The following SCAF8 variants were observed in gnomAD, a reference collection of about 807,000 sequenced individuals.
The protein encoded by SCAF8 is SR-related and CTD-associated factor 8.
A neutral mutation model predicts 140.5 loss-of-function variants in SCAF8; 23 were observed. The observed-to-expected ratio is 0.16, with a 90% confidence interval of 0.12 to 0.23. The LOEUF is 0.23. Ranked by LOEUF, SCAF8 falls within the 10% of genes least tolerant of loss-of-function variation. SCAF8 has a pLI of 1.00. For missense variants in SCAF8, 1,397 were observed against 1,555.7 expected (o/e 0.90, Z 1.72); for synonymous variants, 575 against 528.9 (o/e 1.09, Z -1.20).
At chr6:154,744,684 G>T (rs545475064) in intron 1 of SCAF8, among the ~76,000 whole-genome samples, 315 of 152,150 alleles carry the variant, frequency 2.1e-3, no homozygotes, top group Non-Finnish European at 3.4e-3. Context: ...TTTTTCATAG[G>T]TTTTTTTGGT....
At position 154,829,680 on chromosome 6, in the gene SCAF8, G is replaced by T. The variant is rs545426695; in HGVS notation, c.2141-1242G>T. On this transcript the variant is annotated intron_variant, in intron 18 of 19. Transcript: ENST00000367178. ...TCAGTACTTTGGGAGGCTGAGGTGG[G>T]TGGATCACTCGAGGTCAGGAGTTTC... 3.9e-5 allele frequency among the ~76,000 whole-genome samples: 6 copies of T among 152,314 alleles called. No homozygotes were observed. The East Asian group carries it at 1.2e-3, about 29-fold the overall frequency.
intron 1 of SCAF8, 131 bp downstream of exon 1, chr6:154,734,061 C>T: frequency 1.4e-5 from 19 of 1,321,820 alleles, no homozygotes; most frequent in Admixed American, 3.8e-5. Flanking sequence ...CTAGCAGTGC[C>T]CGTGGGGGAG....
At position 154,784,897 on chromosome 6, in the gene SCAF8, A is replaced by G. The variant is rs189978444; in HGVS notation, c.160-2964A>G. Among the ~76,000 whole-genome samples the G allele has an allele frequency of 3.1e-3, 474 of 152,310 alleles. 4 individuals carry two copies. The highest frequency in any genetic ancestry group is 0.011 in the African/African-American group (437 of 41,572). Reference sequence around the variant, plus strand: ...CCAAATTTTTATAAAGAGAAGACCTATGTAGCTCCCACTCATTTCAAGAAG... The same window carrying G: ...CCAAATTTTTATAAAGAGAAGACCTGTGTAGCTCCCACTCATTTCAAGAAG... On this transcript the variant is annotated intron_variant, in intron 3 of 19. Transcript: ENST00000367178.
intron 1 of SCAF8, among the ~76,000 whole-genome samples, chr6:154,772,139 A>C (rs1776786889): frequency 1.3e-5 from 2 of 152,112 alleles, no homozygotes; most frequent in Non-Finnish European, 2.9e-5. Flanking sequence ...AAAGCTATGC[A>C]AGATTCCCTA....
chr6:154,760,608 C>T (rs1776355545), intron 1 of SCAF8, among the ~76,000 whole-genome samples: 2 of 152,082 alleles, frequency 1.3e-5, no homozygotes, highest in Non-Finnish European at 2.9e-5. Context: ...TATTGTCTGT[C>T]TCTAAAAGCA....
At chr6:154,763,696 G>A (rs1014584162) in intron 1 of SCAF8, among the ~76,000 whole-genome samples, 3 of 151,884 alleles carry the variant, frequency 2.0e-5, no homozygotes, top group Non-Finnish European at 2.9e-5. Context: ...TAGAGGAGGG[G>A]AGGACATAAA....
chr6:154,793,456 T>A (rs1000839075), intron 5 of SCAF8, among the ~76,000 whole-genome samples: 3 of 151,636 alleles, frequency 2.0e-5, no homozygotes, highest in African/African-American at 7.3e-5. Flanking sequence ...TATGAAAAAA[T>A]TTTTTTCATA....
At chr6:154,745,599 T>C (rs923026191) in intron 1 of SCAF8, among the ~76,000 whole-genome samples, 1 of 152,112 alleles carries the variant, frequency 6.6e-6, no homozygotes, top group Non-Finnish European at 1.5e-5. Context: ...GGGGTGTTAA[T>C]TTTTATCTGC....
intron 1 of SCAF8, among the ~76,000 whole-genome samples, chr6:154,747,699 T>A (rs558586409): frequency 6.6e-6 from 1 of 152,222 alleles, no homozygotes; most frequent in East Asian, 1.9e-4. Flanking sequence ...CATAAAGGCC[T>A]TATAGTGCTT....
intron 1 of SCAF8, among the ~76,000 whole-genome samples, chr6:154,773,519 G>A (rs1347759868): frequency 6.6e-6 from 1 of 152,172 alleles, no homozygotes; most frequent in Non-Finnish European, 1.5e-5. Flanking sequence ...ATGACCACGT[G>A]TACAGGTTAT....
At position 154,832,548 on chromosome 6, in the gene SCAF8, G is replaced by C; in HGVS notation, c.2969G>C (p.Ser990Thr). 6.2e-7 allele frequency: 1 copy of C among 1,614,110 alleles called. No individual in the cohort carries two copies. The highest frequency in any genetic ancestry group is 8.5e-7 in the Non-Finnish European group (1 of 1,180,016). ...CCTTTTTTAGCTCCTGGAAGACAAA[G>C]CGTAGACAATGTTACTAACCCAGAA... ...ERPFLAPGRQ[S>T]VDNVTNPEKR... Residue 990 changes from serine (S) to threonine (T), a missense_variant, in exon 20 of 20, where the codon AGC becomes ACC. Physicochemically the swap from Ser to Thr is moderately conservative, Grantham distance 58. Around this residue, in one of 5 missense-constraint regions of SCAF8, gnomAD observed 930 missense variants for 874.6 expected, o/e 1.06. Coordinates refer to ENST00000367178, the MANE Select transcript of SCAF8 (RefSeq NM_014892.5).
intron 1 of SCAF8, among the ~76,000 whole-genome samples, chr6:154,748,608 CT>C (rs1404202095): frequency 4.0e-5 from 6 of 151,754 alleles, no homozygotes; most frequent in Admixed American, 2.0e-4. Context: ...TTTGGCTTTT[CT>C]TTAACATCAA....
intron 1 of SCAF8, among the ~76,000 whole-genome samples, chr6:154,748,506 C>T (rs746298968): frequency 5.3e-5 from 8 of 151,442 alleles, no homozygotes; most frequent in East Asian, 2.0e-4. Flanking sequence ...TAAAAATTGT[C>T]GAGATGAATT....
chr6:154,749,867 C>T (rs988343484), intron 1 of SCAF8, among the ~76,000 whole-genome samples: 3 of 151,762 alleles, frequency 2.0e-5, no homozygotes, highest in East Asian at 1.9e-4. Flanking sequence ...ATGGCAATGG[C>T]GGGATGAGTT....
At chr6:154,830,474 G>A (rs557374508) in intron 18 of SCAF8, among the ~76,000 whole-genome samples, 1 of 152,230 alleles carries the variant, frequency 6.6e-6, no homozygotes, top group South Asian at 2.1e-4. Context: ...CAACTGATGA[G>A]TTTCTAACTT....
At chr6:154,821,375 C>T (rs992954650) in intron 15 of SCAF8, among the ~76,000 whole-genome samples, 4 of 151,356 alleles carry the variant, frequency 2.6e-5, no homozygotes, top group Admixed American at 2.0e-4. Context: ...AACAGTTGAA[C>T]ACTTGCAGCA....
rs1392808013 is a variant in SCAF8, at chr6:154,833,710, C to T, written c.*315C>T. 2 of 233,066 alleles carry T rather than the reference C, an allele frequency of 8.6e-6. No individual in the cohort carries two copies. Among genetic ancestry groups the T allele is most frequent in the Non-Finnish European group, 8.3e-6 (1 of 119,896 alleles). 14.4% of individuals were successfully genotyped at this position (233,066 alleles called of 1,614,324 possible). A position where few individuals can be genotyped will look rare whatever the true frequency, so the allele number is the denominator to read the frequency against. On this transcript the variant is annotated 3_prime_UTR_variant, in exon 20 of 20. Coordinates refer to ENST00000367178, the MANE Select transcript of SCAF8 (RefSeq NM_014892.5). ...TATGGAAGAAAGAATTTTTTAGATA[C>T]TATCATTAGGTTGGATATGGTAATA...
chr6:154,815,844 G>T, intron 13 of SCAF8, 28 bp downstream of exon 13: 1 of 1,467,028 alleles, frequency 6.8e-7, no homozygotes, highest in South Asian at 1.1e-5. Context: ...ATAATTTAAG[G>T]TTTTAAAAAA....
At chr6:154,741,391 T>G (rs904717903) in intron 1 of SCAF8, among the ~76,000 whole-genome samples, 1 of 151,754 alleles carries the variant, frequency 6.6e-6, no homozygotes, top group Admixed American at 6.6e-5. Flanking sequence ...TCCCAAAGAG[T>G]CATATTCTAT....
Sources: gnomAD v4.1 joint callset for allele counts (sites outside exome capture counted in the v4.1 genomes callset) on GRCh38, gnomAD v4.1.1 for gene constraint, gnomAD v4.1.1 regional missense constraint, MANE v1.5 for transcripts, NCBI Gene and HGNC (gene_info 2026-07-23, HGNC 2026-07-21) for gene names.